CEP97: variants seen among roughly 807,000 people sequenced by gnomAD.
The protein encoded by CEP97 is centrosomal protein 97, also known as centrosomal protein of 97 kDa.
Under a neutral mutation model 73.1 loss-of-function variants are expected in CEP97, and 43 were observed. The observed-to-expected ratio is 0.59, with a 90% confidence interval of 0.46 to 0.76. The LOEUF (loss-of-function observed/expected upper bound fraction) is 0.76, where lower values mean the gene tolerates loss of function less well. Ranked by LOEUF, CEP97 falls within the 30% of genes least tolerant of loss-of-function variation. CEP97 has a pLI of 0.00. For synonymous variants in CEP97, 337 were observed against 370.0 expected (o/e 0.91, Z 1.02); for missense variants, 939 against 1,014.0 (o/e 0.93, Z 1.00).
At position 101,757,618 on chromosome 3, in the gene CEP97, C is replaced by G; in HGVS notation, c.1028-16C>G. 2 of 1,600,540 alleles carry G rather than the reference C, an allele frequency of 1.2e-6. No homozygotes were observed. The highest frequency in any genetic ancestry group is 1.7e-4 in the Middle Eastern group (1 of 5,996). ...AACATTTAGTGGTTTAAATGATACT[C>G]TGTTGATTCTTCTAGAACCCGTCAT... is the stretch of plus-strand genomic sequence containing the variant. On this transcript the variant is annotated splice_polypyrimidine_tract_variant and intron_variant, in intron 8 of 10. Coordinates refer to ENST00000341893, the MANE Select transcript of CEP97 (RefSeq NM_024548.4).
At chr3:101,738,538 T>G (rs1158821359) in intron 6 of CEP97, among the ~76,000 whole-genome samples, 1 of 151,238 alleles carries the variant, frequency 6.6e-6, no homozygotes, top group Non-Finnish European at 1.5e-5. Flanking sequence ...TTAAGAAACT[T>G]AAAACCGCCC....
At position 101,750,056 on chromosome 3, in the gene CEP97, T is replaced by C. The variant is rs537632721; in HGVS notation, c.729-5374T>C. Among the ~76,000 whole-genome samples, 49 of 143,834 alleles carry C rather than the reference T, an allele frequency of 3.4e-4. 3 individuals carry two copies. Among genetic ancestry groups the C allele is most frequent in the African/African-American group, 1.2e-3 (47 of 39,172 alleles). 94.4% of individuals were successfully genotyped at this position (143,834 alleles called of 152,430 possible). A position where few individuals can be genotyped will look rare whatever the true frequency, so the allele number is the denominator to read the frequency against. ...TGCCATTGCTTTTGGTGTTTAGACA[T>C]GAAGTCCTTGCCCATGCCTATGTCC... On this transcript the variant is annotated intron_variant, in intron 6 of 10. Transcript: ENST00000341893.
intron 10 of CEP97, 141 bp from the exon 11 acceptor site, chr3:101,764,706 C>T: frequency 3.1e-6 from 2 of 643,436 alleles, no homozygotes; most frequent in Non-Finnish European, 5.1e-6. Flanking sequence ...TCACTTGAGC[C>T]CAGGAGGTTG....
In CEP97 at chr3:101,766,815, A is replaced by G. The variant is rs190472996; in HGVS notation, c.*1264A>G. 21 of 152,328 alleles carry G rather than the reference A, an allele frequency of 1.4e-4. No individual in the cohort carries two copies. The highest frequency in any genetic ancestry group is 9.8e-4 in the Admixed American group (15 of 15,300). 9.4% of individuals were successfully genotyped at this position (152,328 alleles called of 1,614,324 possible). A position where few individuals can be genotyped will look rare whatever the true frequency, so the allele number is the denominator to read the frequency against. Reference sequence around the variant, plus strand: ...TATGGCAATACTTAAGCATCTCTAAATTTAGGTGCTAAATATCTATTATTC... The same window carrying G: ...TATGGCAATACTTAAGCATCTCTAAGTTTAGGTGCTAAATATCTATTATTC... On this transcript the variant is annotated 3_prime_UTR_variant, in exon 11 of 11. Coordinates refer to ENST00000341893, the MANE Select transcript of CEP97 (RefSeq NM_024548.4).
chr3:101,750,281 G>A (rs1436424316), intron 6 of CEP97, among the ~76,000 whole-genome samples: 1 of 148,204 alleles, frequency 6.7e-6, no homozygotes, highest in East Asian at 2.0e-4. Context: ...TTTTTCTCAG[G>A]TTTGTCAAAG....
chr3:101,737,486 G>C (rs956689457), intron 6 of CEP97, among the ~76,000 whole-genome samples: 1 of 152,182 alleles, frequency 6.6e-6, no homozygotes, highest in Non-Finnish European at 1.5e-5. Flanking sequence ...CTTAACAGCA[G>C]GTCTCTCTGC....
Position 101,746,685 on chromosome 3 carries a change from C to A in CEP97, c.729-8745C>A, listed in dbSNP as rs1278621051. Among the ~76,000 whole-genome samples, 8 of 152,240 alleles carry A rather than the reference C, an allele frequency of 5.3e-5. No individual in the cohort carries two copies. The East Asian group carries it at 1.4e-3, about 26-fold the overall frequency. ...AAGATAAAATTGACAAATGGGATCT[C>A]ATTAAACTAAAGACCTTCTGCACAG... is the stretch of plus-strand genomic sequence containing the variant. On this transcript the variant is annotated intron_variant, in intron 6 of 10. Transcript: ENST00000341893.
chr3:101,747,981 A>T (rs985164867), intron 6 of CEP97, among the ~76,000 whole-genome samples: 20 of 151,732 alleles, frequency 1.3e-4, no homozygotes, highest in Non-Finnish European at 2.4e-4. Flanking sequence ...AAAATGAAAA[A>T]ATTAGCTGGG....
intron 4 of CEP97, among the ~76,000 whole-genome samples, chr3:101,729,529 A>G (rs1560007862): frequency 2.0e-5 from 3 of 152,124 alleles, no homozygotes; most frequent in Non-Finnish European, 2.9e-5. Flanking sequence ...CAGTTATTAT[A>G]TAGTACATAA....
chr3:101,748,433 T>C (rs2107166925), intron 6 of CEP97, among the ~76,000 whole-genome samples: 1 of 152,238 alleles, frequency 6.6e-6, no homozygotes, highest in East Asian at 1.9e-4. Flanking sequence ...CAGTTTTCTG[T>C]CTTCCCAAAG....
At chr3:101,738,186 C>T (rs1938342795) in intron 6 of CEP97, among the ~76,000 whole-genome samples, 1 of 152,112 alleles carries the variant, frequency 6.6e-6, no homozygotes, top group African/African-American at 2.4e-5. Context: ...CAGGAGCACC[C>T]AGATTCATAA....
chr3:101,730,624 G>T (rs1485321876), intron 4 of CEP97, among the ~76,000 whole-genome samples: 2 of 150,730 alleles, frequency 1.3e-5, no homozygotes, highest in African/African-American at 4.9e-5. Flanking sequence ...AAAGTAATAG[G>T]TATTAGCTAA....
rs1334576461 is a variant in CEP97, at chr3:101,766,892, T to G, written c.*1341T>G. 3.9e-5 allele frequency: 6 copies of G among 152,236 alleles called. No individual in the cohort carries two copies. The highest frequency in any genetic ancestry group is 6.5e-5 in the Admixed American group (1 of 15,280). 9.4% of individuals were successfully genotyped at this position (152,236 alleles called of 1,614,324 possible). On this transcript the variant is annotated 3_prime_UTR_variant, in exon 11 of 11. Transcript: ENST00000341893. ...TGAAGTTATGTAAAATAAAAGCATCTGATCCTTCAAGGATAAAGTTGAGGA... is the reference window on the plus strand; with the variant it reads ...TGAAGTTATGTAAAATAAAAGCATCGGATCCTTCAAGGATAAAGTTGAGGA...
chr3:101,735,807 T>C (rs1443809125), intron 6 of CEP97, among the ~76,000 whole-genome samples: 1 of 152,124 alleles, frequency 6.6e-6, no homozygotes, highest in Non-Finnish European at 1.5e-5. Flanking sequence ...TAGGAGTTTT[T>C]TTCATATCCC....
At position 101,757,741 on chromosome 3, in the gene CEP97, C is replaced by T. The variant is rs1560019742; in HGVS notation, c.1135C>T (p.Arg379Ter). 6 of 1,614,186 alleles carry T rather than the reference C, an allele frequency of 3.7e-6. No homozygotes were observed. Among genetic ancestry groups the T allele is most frequent in the Non-Finnish European group, 5.1e-6 (6 of 1,180,040 alleles). ...CTCTGTACACACTACGAGATATTCT[C>T]GAAATGATCTGCACCTGGAAGACAT... The part of the protein sequence containing the change: ...PASVHTTRYS[R>*]NDLHLEDIQT... The change falls in exon 9 of 11, where the codon CGA becomes TGA. Residue 379 changes from arginine to a stop codon, truncating the protein, a stop_gained. Transcript: ENST00000341893. LOFTEE classifies it high-confidence loss of function.
At chr3:101,747,586 C>T (rs776768007) in intron 6 of CEP97, among the ~76,000 whole-genome samples, 3 of 134,388 alleles carry the variant, frequency 2.2e-5, no homozygotes, top group Admixed American at 7.6e-5. Flanking sequence ...GAGACAGTTT[C>T]GCTCTTGTTG....
At position 101,765,255 on chromosome 3, in the gene CEP97, G is replaced by A. The variant is rs1372402688; in HGVS notation, c.2302G>A (p.Asp768Asn). 1 of 1,614,172 alleles carries A rather than the reference G, an allele frequency of 6.2e-7. No individual in the cohort carries two copies. The highest frequency in any genetic ancestry group is 1.7e-5 in the Admixed American group (1 of 60,024). ...TAAGGAAAGCTCAAATAACGAGCAG[G>A]ACAATAGTCTGCTTGAACAGTATTT... Reference protein sequence around the residue: ...WNKESSNNEQDNSLLEQYLTS... With the variant: ...WNKESSNNEQNNSLLEQYLTS... Residue 768 changes from aspartate to asparagine, a missense_variant, in exon 11 of 11, where the codon GAC becomes AAC. By Grantham distance (23) the Asp-to-Asn change is conservative. Transcript: ENST00000341893.
rs61468230 is a variant in CEP97 at position 101,745,014 on chromosome 3, T to C, written c.729-10416T>C. ...GAGTAACTTGAGCAGTAACCAAACC[T>C]TGTGGTGCTTTGGCTGAGCCATTTC... On this transcript the variant is annotated intron_variant, in intron 6 of 10. Transcript: ENST00000341893. Among the ~76,000 whole-genome samples the C allele has an allele frequency of 3.2e-3, 492 of 152,340 alleles. 2 individuals are homozygous for C. The highest frequency in any genetic ancestry group is 0.011 in the African/African-American group (456 of 41,570).
chr3:101,760,856 T>A (rs1292216454), intron 9 of CEP97, among the ~76,000 whole-genome samples: 1 of 147,372 alleles, frequency 6.8e-6, no homozygotes, highest in Non-Finnish European at 1.5e-5. Flanking sequence ...TATTTTTATT[T>A]TTTATCTAAA....
Sources: gnomAD v4.1 joint callset for allele counts (sites outside exome capture counted in the v4.1 genomes callset) on GRCh38, gnomAD v4.1.1 for gene constraint, MANE v1.5 for transcripts, NCBI Gene and HGNC (gene_info 2026-07-23, HGNC 2026-07-21) for gene names.